The following PRSS8 variants were observed in gnomAD, a reference collection of about 807,000 sequenced individuals.
PRSS8 encodes the protein serine protease 8, also known as prostasin.
PRSS8 carries 11 observed loss-of-function variants against 26.7 expected under a neutral mutation model. The ratio of observed to expected loss-of-function variants is 0.41; its 90% CI spans 0.26 to 0.68. The LOEUF (loss-of-function observed/expected upper bound fraction) is 0.68, where lower values mean the gene tolerates loss of function less well. PRSS8 is among the 30% of genes least tolerant of loss of function. PRSS8 has a pLI of 0.30. For synonymous variants in PRSS8, 183 were observed against 187.0 expected (o/e 0.98, Z 0.17); for missense variants, 362 against 443.5 (o/e 0.82, Z 1.65).
At position 31,133,961 on chromosome 16, in the gene PRSS8, C is replaced by T. The variant is rs111728074; in HGVS notation, c.104-573G>A. Reference sequence around the variant, plus strand: ...GCCTCCGAGCCCAGCACCCCCCAACCTCCACCATGCTCCCCGATGCTGCCC... The same window carrying T: ...GCCTCCGAGCCCAGCACCCCCCAACTTCCACCATGCTCCCCGATGCTGCCC... On this transcript the variant is annotated intron_variant, in intron 2 of 5. Transcript: ENST00000317508. This position sits in a 1 kb window ranked among gnomAD's most constrained non-coding sequence, Gnocchi z 4.7. 2,543 of 164,432 alleles carry T rather than the reference C, an allele frequency of 0.015. 51 individuals are homozygous for T. The highest frequency in any genetic ancestry group is 0.049 in the African/African-American group (2,061 of 41,768). The allele number at this position is 164,432 out of a possible 1,614,324, so 10.2% of individuals were successfully genotyped here. A position where few individuals can be genotyped will look rare whatever the true frequency, so the allele number is the denominator to read the frequency against.
Position 31,132,630 on chromosome 16 carries a change from C to T in PRSS8, c.539-35G>A. On this transcript the variant is annotated intron_variant, in intron 4 of 5. Transcript: ENST00000317508. This position sits in a 1 kb window ranked among gnomAD's most constrained non-coding sequence, Gnocchi z 5.2. ...TAAAAGAGGCTTACCCTGGGCCCCT[C>T]CCCAAGTCAGGTGCCCCTCCACACC... The T allele has an allele frequency of 1.2e-6, 2 of 1,613,238 alleles. No individual in the cohort carries two copies. Among genetic ancestry groups the T allele is most frequent in the Non-Finnish European group, 1.7e-6 (2 of 1,179,302 alleles).
Position 31,135,240 on chromosome 16 carries a change from C to G in PRSS8, c.86-69G>C, listed in dbSNP as rs568954893. ...GGTTCCCTGACCCCTTAGTACCCAC[C>G]ACTGCTCCAGAGGGCTGGCCCCTTC... On this transcript the variant is annotated intron_variant, in intron 1 of 5. Transcript: ENST00000317508. 5.0e-5 allele frequency: 81 copies of G among 1,608,256 alleles called. 2 individuals carry two copies. The South Asian group carries it at 8.7e-4, about 17-fold the overall frequency.
Position 31,132,790 on chromosome 16 carries a change from T to C in PRSS8, c.430A>G (p.Ile144Val). Reference protein sequence around the residue: ...DIALLQLSRPITFSRYIRPIC... With the variant: ...DIALLQLSRPVTFSRYIRPIC... Reference sequence around the variant, plus strand: ...GGCCGGATGTAGCGGGAGAAGGTGATGGGTCTGCTGAGTTGGAGGAGTGCA... The same window carrying C: ...GGCCGGATGTAGCGGGAGAAGGTGACGGGTCTGCTGAGTTGGAGGAGTGCA... The change falls in exon 4 of 6, where the codon ATC (isoleucine) becomes GTC (valine). Residue 144 changes from isoleucine to valine, a missense_variant. Coordinates refer to ENST00000317508, the MANE Select transcript of PRSS8 (RefSeq NM_002773.5). This position sits in a 1 kb window ranked among gnomAD's most constrained non-coding sequence, Gnocchi z 5.2. 2 of 1,613,872 alleles carry C rather than the reference T, an allele frequency of 1.2e-6. No homozygotes were observed. The highest frequency in any genetic ancestry group is 8.5e-7 in the Non-Finnish European group (1 of 1,179,850).
In PRSS8 at chr16:31,132,872, G is replaced by A. The variant is rs745346010; in HGVS notation, c.348C>T (p.Thr116=). The A allele has an allele frequency of 1.1e-5, 17 of 1,613,776 alleles. No individual in the cohort carries two copies. The highest frequency in any genetic ancestry group is 1.4e-5 in the Non-Finnish European group (16 of 1,179,826). Residue 116 remains threonine, a synonymous_variant, in exon 4 of 6, where the codon ACC becomes ACT. Transcript: ENST00000317508. This position sits in a 1 kb window ranked among gnomAD's most constrained non-coding sequence, Gnocchi z 5.2. ...TGGGGTGGGGGATGATGTCCTTCAG[G>A]GTGCTGACCTTGGCGTCCTCGGAGT... The part of the protein sequence containing the change: ...DSYSEDAKVS[T]LKDIIPHPSY...
chr16:31,133,271 A>T lies in PRSS8; in HGVS notation c.221T>A (p.Leu74His). Reference protein sequence around the residue: ...YEGVHVCGGSLVSEQWVLSAA... With the variant: ...YEGVHVCGGSHVSEQWVLSAA... ...TGACAGCACCCACTGCTCAGACACG[A>T]GAGAGCCACCACACACATGGACGCC... Residue 74 changes from leucine (L) to histidine (H), a missense_variant, in exon 3 of 6, where the codon CTC becomes CAC. Transcript: ENST00000317508. This position sits in a 1 kb window ranked among gnomAD's most constrained non-coding sequence, Gnocchi z 4.7. 6.2e-7 allele frequency: 1 copy of T among 1,613,992 alleles called. No individual in the cohort carries two copies. The highest frequency in any genetic ancestry group is 8.5e-7 in the Non-Finnish European group (1 of 1,179,884).
rs2057591892 is a variant in PRSS8, at chr16:31,133,491, A to G, written c.104-103T>C. On this transcript the variant is annotated intron_variant, in intron 2 of 5. Coordinates refer to ENST00000317508, the MANE Select transcript of PRSS8 (RefSeq NM_002773.5). This position sits in a 1 kb window ranked among gnomAD's most constrained non-coding sequence, Gnocchi z 4.7. The stretch of plus-strand genomic sequence containing the variant: ...TTGGGAAGTGGGTTCACAGGAGTCA[A>G]CACCCCTTTGTCCCCTCCCAGGCAT... 7.1e-7 allele frequency: 1 copy of G among 1,415,658 alleles called. No homozygotes were observed. Among genetic ancestry groups the G allele is most frequent in the Non-Finnish European group, 9.6e-7 (1 of 1,046,820 alleles). 87.7% of individuals were successfully genotyped at this position (1,415,658 alleles called of 1,614,324 possible).
rs1391629085 is a variant in PRSS8, at chr16:31,131,788, C to T, written c.*221G>A. ...TCCATGGTGGGTGAGGGGCCAGAGGCTCTGGCCATTGCTACAGGCAGTAAA... is the reference window on the plus strand; with the variant it reads ...TCCATGGTGGGTGAGGGGCCAGAGGTTCTGGCCATTGCTACAGGCAGTAAA... On this transcript the variant is annotated 3_prime_UTR_variant, in exon 6 of 6. Transcript: ENST00000317508. 1.8e-6 allele frequency: 1 copy of T among 559,324 alleles called. No individual in the cohort carries two copies. The highest frequency in any genetic ancestry group is 3.1e-6 in the Non-Finnish European group (1 of 320,492). 34.6% of individuals were successfully genotyped at this position (559,324 alleles called of 1,614,324 possible).
Position 31,131,476 on chromosome 16 carries a change from C to T in PRSS8, c.*533G>A. On this transcript the variant is annotated 3_prime_UTR_variant, in exon 6 of 6. Transcript: ENST00000317508. ...ATCATTTCTGCCCTGTTACTCCCACCCCAGATCCAAGCGCCAGCCCAGTTC... is the reference window on the plus strand; with the variant it reads ...ATCATTTCTGCCCTGTTACTCCCACTCCAGATCCAAGCGCCAGCCCAGTTC... 1 of 616,850 alleles carries T rather than the reference C, an allele frequency of 1.6e-6. No individual in the cohort carries two copies. Among genetic ancestry groups the T allele is most frequent in the East Asian group, 2.9e-5 (1 of 34,928 alleles). The allele number at this position is 616,850 out of a possible 1,614,324, so 38.2% of individuals were successfully genotyped here.
Position 31,131,737 on chromosome 16 carries a change from C to T in PRSS8, c.*272G>A. On this transcript the variant is annotated 3_prime_UTR_variant, in exon 6 of 6. Coordinates refer to ENST00000317508, the MANE Select transcript of PRSS8 (RefSeq NM_002773.5). Reference sequence around the variant, plus strand: ...TTCATAGCCAAGGGTCCCAGGAGCTCCCCAGGAGCTCGGCCAATGGGCTGG... The same window carrying T: ...TTCATAGCCAAGGGTCCCAGGAGCTTCCCAGGAGCTCGGCCAATGGGCTGG... 2.1e-6 allele frequency: 1 copy of T among 473,876 alleles called. No homozygotes were observed. Among genetic ancestry groups the T allele is most frequent in the East Asian group, 3.4e-5 (1 of 29,080 alleles). 29.4% of individuals were successfully genotyped at this position (473,876 alleles called of 1,614,324 possible).
chr16:31,133,178 C>A lies in PRSS8; in HGVS notation c.266+48G>T, dbSNP rs1380552320. 1 of 1,612,332 alleles carries A rather than the reference C, an allele frequency of 6.2e-7. No individual in the cohort carries two copies. Among genetic ancestry groups the A allele is most frequent in the Non-Finnish European group, 8.5e-7 (1 of 1,179,722 alleles). On this transcript the variant is annotated intron_variant, in intron 3 of 5. Transcript: ENST00000317508. This position sits in a 1 kb window ranked among gnomAD's most constrained non-coding sequence, Gnocchi z 4.7. ...ACCCCAACCTCTGACCTGGATTGACCCATTAACTTTGACCTCCAGCCCACT... is the reference window on the plus strand; with the variant it reads ...ACCCCAACCTCTGACCTGGATTGACACATTAACTTTGACCTCCAGCCCACT...
At position 31,131,913 on chromosome 16, in the gene PRSS8, A is replaced by C. The variant is rs554976269; in HGVS notation, c.*96T>G. ...CCTCCCGCAGAGTCCTGAAGGAAGG[A>C]GTGGCTCAAGTCAGGCCCTGGGTCC... On this transcript the variant is annotated 3_prime_UTR_variant, in exon 6 of 6. Coordinates refer to ENST00000317508, the MANE Select transcript of PRSS8 (RefSeq NM_002773.5). The C allele has an allele frequency of 2.1e-5, 28 of 1,330,848 alleles. No homozygotes were observed. The highest frequency in any genetic ancestry group is 8.4e-5 in the Admixed American group (3 of 35,586). 82.4% of individuals were successfully genotyped at this position (1,330,848 alleles called of 1,614,324 possible).
chr16:31,135,711 A>T lies in PRSS8; in HGVS notation c.-213T>A. ...GTATCCGAAGCGAGCAGTGTGGACG[A>T]GTCACCAGCACCGTCTGGCCACGCA... On this transcript the variant is annotated 5_prime_UTR_variant, in exon 1 of 6. Coordinates refer to ENST00000317508, the MANE Select transcript of PRSS8 (RefSeq NM_002773.5). 1.9e-6 allele frequency: 1 copy of T among 532,100 alleles called. No individual in the cohort carries two copies. Among genetic ancestry groups the T allele is most frequent in the Non-Finnish European group, 3.3e-6 (1 of 301,036 alleles). The allele number at this position is 532,100 out of a possible 1,614,324, so 33.0% of individuals were successfully genotyped here. A position where few individuals can be genotyped will look rare whatever the true frequency, so the allele number is the denominator to read the frequency against.
At chr16:31,134,998 C>T in intron 2 of PRSS8, 156 bp downstream of exon 2, 1 of 887,028 alleles carries the variant, frequency 1.1e-6, no homozygotes, top group Non-Finnish European at 1.7e-6. Flanking sequence ...TGCTTCTCTG[C>T]CCATAAGGTG....
At position 31,131,558 on chromosome 16, in the gene PRSS8, C is replaced by T; in HGVS notation, c.*451G>A. ...GTCAGGGCTCGGGGGCGCTCAGCGG[C>T]CAGTGGGCAAGATTGGGGCCTTTCC... is the stretch of plus-strand genomic sequence containing the variant. On this transcript the variant is annotated 3_prime_UTR_variant, in exon 6 of 6. Transcript: ENST00000317508. 1 of 517,684 alleles carries T rather than the reference C, an allele frequency of 1.9e-6. No individual in the cohort carries two copies. The highest frequency in any genetic ancestry group is 3.4e-6 in the Non-Finnish European group (1 of 292,224). The allele number at this position is 517,684 out of a possible 1,614,324, so 32.1% of individuals were successfully genotyped here.
At position 31,135,407 on chromosome 16, in the gene PRSS8, CACTT is replaced by C. The variant is rs2057601000; in HGVS notation, c.85+3_85+6del. The C allele has an allele frequency of 6.3e-7, 1 of 1,591,300 alleles. No homozygotes were observed. Among genetic ancestry groups the C allele is most frequent in the Non-Finnish European group, 8.6e-7 (1 of 1,169,438 alleles). On this transcript the variant is annotated splice_donor_5th_base_variant and intron_variant, in intron 1 of 5. Transcript: ENST00000317508. ...TGTCCCCACCCTGCCCCCACGTCCT[CACTT>C]ACCTGTCCCCGACCGGAGTAATCCA...
chr16:31,132,964 G>A lies in PRSS8; in HGVS notation c.267-11C>T. 1 of 1,600,090 alleles carries A rather than the reference G, an allele frequency of 6.2e-7. No individual in the cohort carries two copies. The highest frequency in any genetic ancestry group is 1.3e-5 in the African/African-American group (1 of 74,766). On this transcript the variant is annotated splice_polypyrimidine_tract_variant and intron_variant, in intron 3 of 5. Coordinates refer to ENST00000317508, the MANE Select transcript of PRSS8 (RefSeq NM_002773.5). The surrounding 1 kb of genome is among the most constrained non-coding windows in gnomAD (Gnocchi z 5.2). ...TCCTTGTGGTGCTCGCTGCAGGCAG[G>A]GGGCAAAGGCTGAGACCCAGGAGAC...
intron 1 of PRSS8, 27 bp downstream of exon 1, chr16:31,135,387 C>A: frequency 6.3e-7 from 1 of 1,581,656 alleles, no homozygotes; most frequent in South Asian, 1.2e-5. Context: ...TGCATTGTCC[C>A]CACCCTGCCC....
At position 31,131,460 on chromosome 16, in the gene PRSS8, GC is replaced by G; in HGVS notation, c.*548del. On this transcript the variant is annotated 3_prime_UTR_variant, in exon 6 of 6. Coordinates refer to ENST00000317508, the MANE Select transcript of PRSS8 (RefSeq NM_002773.5). ...GTGCTCAAACATTTTAATCATTTCT[GC>G]CCTGTTACTCCCACCCCAGATCCAA... is the stretch of plus-strand genomic sequence containing the variant. 1.5e-6 allele frequency: 1 copy of G among 650,752 alleles called. No homozygotes were observed. The highest frequency in any genetic ancestry group is 1.9e-5 in the South Asian group (1 of 51,518). 40.3% of individuals were successfully genotyped at this position (650,752 alleles called of 1,614,324 possible).
In PRSS8 at chr16:31,133,093, C is replaced by T; in HGVS notation, c.266+133G>A. 6.4e-7 allele frequency: 1 copy of T among 1,572,704 alleles called. No individual in the cohort carries two copies. The highest frequency in any genetic ancestry group is 8.7e-7 in the Non-Finnish European group (1 of 1,154,066). On this transcript the variant is annotated intron_variant, in intron 3 of 5. Coordinates refer to ENST00000317508, the MANE Select transcript of PRSS8 (RefSeq NM_002773.5). The surrounding 1 kb of genome is among the most constrained non-coding windows in gnomAD (Gnocchi z 4.7). ...TTATCATGTAACCTCTGACCCCTCA[C>T]CTTCACTCCTAACTGGTCCTTCCAG...
Sources: allele counts gnomAD v4.1 joint callset, GRCh38; gene constraint gnomAD v4.1.1; non-coding constraint Gnocchi (gnomAD v3.1); transcripts MANE v1.5; gene names NCBI Gene and HGNC (gene_info 2026-07-23, HGNC 2026-07-21).